The following AHDC1 variants were observed in gnomAD, a reference collection of about 807,000 sequenced individuals.
AHDC1 encodes the protein transcription factor Gibbin.
A neutral mutation model predicts 87.9 loss-of-function variants in AHDC1; 7 were observed. The ratio of observed to expected loss-of-function variants is 0.08; its 90% CI spans 0.05 to 0.15. AHDC1 has a LOEUF of 0.15. Ranked by LOEUF, AHDC1 falls within the 10% of genes least tolerant of loss-of-function variation. AHDC1 has a pLI of 1.00. For missense variants in AHDC1, 1,841 were observed against 2,253.2 expected (o/e 0.82, Z 3.70); for synonymous variants, 1,051 against 1,006.8 (o/e 1.04, Z -0.83).
chr1:27,571,483 G>C (rs557640970), intron 3 of AHDC1, among the ~76,000 whole-genome samples: 2 of 152,032 alleles, frequency 1.3e-5, no homozygotes, highest in Admixed American at 1.3e-4. Context: ...GGGTCAGACC[G>C]GACAGGCTTC....
chr1:27,547,282 C>G lies in AHDC1; in HGVS notation c.*22G>C. On this transcript the variant is annotated 3_prime_UTR_variant, in exon 8 of 9. Transcript: ENST00000673934. The surrounding 1 kb of genome is among the most constrained non-coding windows in gnomAD (Gnocchi z 4.9). ...TCACCCAGGAACAAAACCTCGCGGT[C>G]CAGTCGGCACTTCAGTTGGCACTAC... The G allele has an allele frequency of 6.6e-7, 1 of 1,516,370 alleles. No individual in the cohort carries two copies. Among genetic ancestry groups the G allele is most frequent in the Non-Finnish European group, 8.8e-7 (1 of 1,133,116 alleles). The allele number at this position is 1,516,370 out of a possible 1,614,324, so 93.9% of individuals were successfully genotyped here.
intron 3 of AHDC1, among the ~76,000 whole-genome samples, chr1:27,584,868 T>C (rs1431794821): frequency 6.6e-6 from 1 of 151,854 alleles, no homozygotes; most frequent in Non-Finnish European, 1.5e-5. Context: ...ATCTCCTACT[T>C]AGGGCATCAA....
rs925569856 is a variant in AHDC1 at position 27,566,847 on chromosome 1, G to GT, written c.-628-7965_-628-7964insA. Among the ~76,000 whole-genome samples the GT allele has an allele frequency of 2.4e-3, 307 of 129,472 alleles. 1 individual carries two copies. The highest frequency in any genetic ancestry group is 9.0e-3 in the African/African-American group (297 of 33,098). The allele number at this position is 129,472 out of a possible 152,430, so 84.9% of individuals were successfully genotyped here. ...AAGAAGGAGCAGAGCTGTCGAGGGA[G>GT]GGGGGCCTGTTGCCATGGAGGCGGG... is the stretch of plus-strand genomic sequence containing the variant. On this transcript the variant is annotated intron_variant, in intron 3 of 8. Coordinates refer to ENST00000673934, the MANE Select transcript of AHDC1 (RefSeq NM_001371928.1).
Position 27,548,881 on chromosome 1 carries a change from T to C in AHDC1, c.3235A>G (p.Thr1079Ala), listed in dbSNP as rs371317677. The change falls in exon 8 of 9, where the codon ACC becomes GCC. Residue 1079 changes from threonine (T) to alanine (A), a missense_variant. Coordinates refer to ENST00000673934, the MANE Select transcript of AHDC1 (RefSeq NM_001371928.1). ...MVPKGTTASA[T>A]SAASAASSSS... Reference sequence around the variant, plus strand: ...GAGGAGGCGGCAGAGGCTGCAGAGGTGGCAGAGGCTGTGGTGCCCTTGGGT... The same window carrying C: ...GAGGAGGCGGCAGAGGCTGCAGAGGCGGCAGAGGCTGTGGTGCCCTTGGGT... 8 of 1,608,666 alleles carry C rather than the reference T, an allele frequency of 5.0e-6. No homozygotes were observed. In the African/African-American group the frequency reaches 5.3e-5, roughly 11 times the overall value.
intron 8 of AHDC1, among the ~76,000 whole-genome samples, chr1:27,535,752 C>T (rs970909167): frequency 3.9e-5 from 6 of 152,074 alleles, no homozygotes; most frequent in Admixed American, 1.3e-4. Flanking sequence ...TTCCTCCCAT[C>T]GCCAGACACT....
At chr1:27,554,853 C>T (rs2019749527) in intron 5 of AHDC1, among the ~76,000 whole-genome samples, 1 of 152,224 alleles carries the variant, frequency 6.6e-6, no homozygotes, top group South Asian at 2.1e-4. Flanking sequence ...CAGCGATTTG[C>T]AATCTACAAA....
chr1:27,604,068 C>A, intron 1 of AHDC1, 38 bp downstream of exon 1: 1 of 153,822 alleles, frequency 6.5e-6, no homozygotes, highest in South Asian at 1.8e-4. Context: ...CCGCCTCGCT[C>A]GCTCCCTCCC....
rs1249502416 is a variant in AHDC1 at position 27,551,380 on chromosome 1, T to C, written c.736A>G (p.Ser246Gly). Reference protein sequence around the residue: ...YSELADADILSELASLTCPEA... With the variant: ...YSELADADILGELASLTCPEA... ...GGGCAAGTGAGGGAGGCCAGCTCACTAAGGATGTCGGCGTCAGCAAGTTCT... is the reference window on the plus strand; with the variant it reads ...GGGCAAGTGAGGGAGGCCAGCTCACCAAGGATGTCGGCGTCAGCAAGTTCT... Residue 246 changes from serine to glycine, a missense_variant, in exon 8 of 9, where the codon AGT becomes GGT. This residue lies in a region of AHDC1 where 370 missense variants were observed against 391.5 expected (regional missense o/e 0.95). Coordinates refer to ENST00000673934, the MANE Select transcript of AHDC1 (RefSeq NM_001371928.1). 2 of 1,613,754 alleles carry C rather than the reference T, an allele frequency of 1.2e-6. No homozygotes were observed. The highest frequency in any genetic ancestry group is 1.7e-6 in the Non-Finnish European group (2 of 1,179,932).
Position 27,560,980 on chromosome 1 carries a change from G to C in AHDC1, c.-628-2097C>G, listed in dbSNP as rs965471868. Among the ~76,000 whole-genome samples, 1 of 151,818 alleles carries C rather than the reference G, an allele frequency of 6.6e-6. No homozygotes were observed. Among genetic ancestry groups the C allele is most frequent in the African/African-American group, 2.4e-5 (1 of 41,254 alleles). On this transcript the variant is annotated intron_variant, in intron 3 of 8. Coordinates refer to ENST00000673934, the MANE Select transcript of AHDC1 (RefSeq NM_001371928.1). This position sits in a 1 kb window ranked among gnomAD's most constrained non-coding sequence, Gnocchi z 4.1. ...CCTCCCTTCCTCTCTCTCTCTCTCT[G>C]TAGGAGCCAGACAACTCCCCAAGCC...
At chr1:27,581,026 G>A (rs988142698) in intron 3 of AHDC1, among the ~76,000 whole-genome samples, 1 of 152,144 alleles carries the variant, frequency 6.6e-6, no homozygotes, top group African/African-American at 2.4e-5. Flanking sequence ...GTAGAGACGA[G>A]GTTTCACCAT....
At position 27,595,221 on chromosome 1, in the gene AHDC1, G is replaced by A. The variant is rs150922105; in HGVS notation, c.-629+8176C>T. ...AGTGAGTGTATGTGTGTTGTAGGGG[G>A]AGGCTGTATGTTTGGAAAGGTATAG... On this transcript the variant is annotated intron_variant, in intron 3 of 8. Transcript: ENST00000673934. The surrounding 1 kb of genome is among the most constrained non-coding windows in gnomAD (Gnocchi z 4.0). 3.5e-3 allele frequency among the ~76,000 whole-genome samples: 530 copies of A among 152,186 alleles called. 4 individuals are homozygous for A. The highest frequency in any genetic ancestry group is 0.028 in the East Asian group (143 of 5,182).
intron 3 of AHDC1, among the ~76,000 whole-genome samples, chr1:27,564,290 G>A (rs1167215827): frequency 6.6e-6 from 1 of 152,182 alleles, no homozygotes; most frequent in East Asian, 1.9e-4. Context: ...TTCGGGGAGG[G>A]GGGAAGGGGC....
Position 27,550,181 on chromosome 1 carries a change from C to T in AHDC1, c.1935G>A (p.Ser645=), listed in dbSNP as rs763751953. The change falls in exon 8 of 9, where the codon TCG becomes TCA. Residue 645 remains serine (S), a synonymous_variant. Coordinates refer to ENST00000673934, the MANE Select transcript of AHDC1 (RefSeq NM_001371928.1). ...TCTGGGTGTCGGGGGCCTGGTGCAC[C>T]GACTCCGGCTCACTGGGTGTCCAGC... ...PRCWTPSEPE[S]VHQAPDTQSI... 9.9e-6 allele frequency: 16 copies of T among 1,611,938 alleles called. No homozygotes were observed. Among genetic ancestry groups the T allele is most frequent in the East Asian group, 8.9e-5 (4 of 44,894 alleles).
intron 3 of AHDC1, among the ~76,000 whole-genome samples, chr1:27,567,468 C>A (rs1433431958): frequency 6.6e-6 from 1 of 152,190 alleles, no homozygotes; most frequent in Non-Finnish European, 1.5e-5. Context: ...AAGGAACAGG[C>A]TGAGGCAGCT....
chr1:27,581,057 G>A (rs1262490035), intron 3 of AHDC1, among the ~76,000 whole-genome samples: 4 of 152,068 alleles, frequency 2.6e-5, no homozygotes, highest in Non-Finnish European at 5.9e-5. Flanking sequence ...CTGATCTCGA[G>A]CTCCTGACCT....
At chr1:27,589,367 G>A (rs1027993472) in intron 3 of AHDC1, among the ~76,000 whole-genome samples, 10 of 152,150 alleles carry the variant, frequency 6.6e-5, no homozygotes, top group Non-Finnish European at 4.4e-5. Flanking sequence ...GTCTCTATAT[G>A]TTTCTGGGCC....
intron 3 of AHDC1, among the ~76,000 whole-genome samples, chr1:27,570,403 C>T (rs1290036070): frequency 6.6e-6 from 1 of 151,738 alleles, no homozygotes; most frequent in Non-Finnish European, 1.5e-5. Context: ...CTGGCCTAAA[C>T]CCTTCAAATG....
chr1:27,582,305 C>T (rs149283354), intron 3 of AHDC1, among the ~76,000 whole-genome samples: 9 of 152,332 alleles, frequency 5.9e-5, no homozygotes, highest in East Asian at 5.8e-4. Context: ...CCACACTGTC[C>T]TTATCTATAA....
In AHDC1 at chr1:27,549,038, C is replaced by T; in HGVS notation, c.3078G>A (p.Gly1026=). The T allele has an allele frequency of 6.4e-7, 1 of 1,574,476 alleles. No homozygotes were observed. Among genetic ancestry groups the T allele is most frequent in the Non-Finnish European group, 8.6e-7 (1 of 1,159,632 alleles). ...CCTTGCTTGGTGGCAGGCAGGGGCC[C>T]CCGGTAGGCGGTGGGGCATAGCCGG... ...HSAGYAPPPT[G]GPCLPPSKAS... is the part of the protein sequence containing the mutation. The change falls in exon 8 of 9, where the codon GGG becomes GGA. Residue 1026 remains glycine (G), a synonymous_variant. Coordinates refer to ENST00000673934, the MANE Select transcript of AHDC1 (RefSeq NM_001371928.1).
Sources: allele counts gnomAD v4.1 joint callset (sites outside exome capture counted in the v4.1 genomes callset), GRCh38; gene constraint gnomAD v4.1.1; regional missense constraint gnomAD v4.1.1; non-coding constraint Gnocchi (gnomAD v3.1); transcripts MANE v1.5; gene names NCBI Gene and HGNC (gene_info 2026-07-23, HGNC 2026-07-21).